The following SCN4B variants were observed in gnomAD, a reference collection of about 807,000 sequenced individuals.
SCN4B encodes the protein sodium voltage-gated channel beta subunit 4.
Under a neutral mutation model 19.6 loss-of-function variants are expected in SCN4B, and 20 were observed. That is an observed-to-expected ratio of 1.02 (90% CI 0.72 to 1.48). SCN4B has a LOEUF of 1.48. Ranked by LOEUF, SCN4B falls within the 40% of genes most tolerant of loss-of-function variation. The pLI, the probability that SCN4B is intolerant of heterozygous loss-of-function variation, is 0.00. For missense variants in SCN4B, 271 were observed against 287.5 expected (o/e 0.94, Z 0.42); for synonymous variants, 127 against 122.8 (o/e 1.03, Z -0.22).
chr11:118,135,015 A>G lies in SCN4B; in HGVS notation c.*2012T>C. On this transcript the variant is annotated 3_prime_UTR_variant, in exon 5 of 5. Transcript: ENST00000324727. ...CTACGTGCCTTGGCTTTCTCTTAAG[A>G]CAGAAGGAGGAGCCCCAAGGTGCTC... The G allele has an allele frequency of 4.4e-6, 2 of 454,114 alleles. No homozygotes were observed. Among genetic ancestry groups the G allele is most frequent in the South Asian group, 3.1e-5 (2 of 64,480 alleles). The allele number at this position is 454,114 out of a possible 1,614,324, so 28.1% of individuals were successfully genotyped here.
rs1390113008 is a variant in SCN4B at position 118,141,761 on chromosome 11, T to G, written c.464-425A>C. On this transcript the variant is annotated intron_variant, in intron 3 of 4. Coordinates refer to ENST00000324727, the MANE Select transcript of SCN4B (RefSeq NM_174934.4). ...ATACCTCTTAGATGGTGAGAAGATT[T>G]TGGAGTCAGATAGTCTGAATTTTAA... 5 of 213,608 alleles carry G rather than the reference T, an allele frequency of 2.3e-5. 1 individual carries two copies. In the Admixed American group the frequency reaches 2.6e-4, roughly 11 times the overall value. 13.2% of individuals were successfully genotyped at this position (213,608 alleles called of 1,614,324 possible).
At position 118,141,199 on chromosome 11, in the gene SCN4B, C is replaced by T; in HGVS notation, c.593+8G>A. 1.9e-6 allele frequency: 3 copies of T among 1,612,842 alleles called. No individual in the cohort carries two copies. Among genetic ancestry groups the T allele is most frequent in the Non-Finnish European group, 2.5e-6 (3 of 1,179,968 alleles). On this transcript the variant is annotated splice_region_variant and intron_variant, in intron 4 of 4. Transcript: ENST00000324727. ...GGGAGGACAGGAGTGTGCTCCAGAT[C>T]AACTCACTTCTTCTCCCGAGTCTTC...
intron 1 of SCN4B, among the ~76,000 whole-genome samples, chr11:118,149,058 C>G (rs1948210688): frequency 6.6e-6 from 1 of 152,194 alleles, no homozygotes; most frequent in African/African-American, 2.4e-5. Flanking sequence ...AGTCCTGGCC[C>G]CCTGCCATCC....
intron 4 of SCN4B, among the ~76,000 whole-genome samples, chr11:118,138,973 CT>C (rs1450506765): frequency 1.3e-5 from 2 of 152,088 alleles, no homozygotes; most frequent in Non-Finnish European, 2.9e-5. Context: ...TCAGGCTTCC[CT>C]ACGGTCTGTC....
chr11:118,145,470 G>C, intron 1 of SCN4B: 1 of 1,436,848 alleles, frequency 7.0e-7, no homozygotes, highest in South Asian at 1.2e-5. Context: ...GTTGCGCTCT[G>C]GATGACCACC....
intron 3 of SCN4B, 62 bp downstream of exon 3, chr11:118,143,771 T>C: frequency 8.3e-7 from 1 of 1,203,776 alleles, no homozygotes. Flanking sequence ...ACTGTGATGC[T>C]GAGTTGGGTG....
At position 118,133,699 on chromosome 11, in the gene SCN4B, TG is replaced by T. The variant is rs1487433650; in HGVS notation, c.*3327del. ...AGGTGGGAGGGTAGGGACTCCAACCTGGGACAAAGTAAAGTAAAGCAAGTTA... is the reference window on the plus strand; with the variant it reads ...AGGTGGGAGGGTAGGGACTCCAACCTGGACAAAGTAAAGTAAAGCAAGTTA... On this transcript the variant is annotated 3_prime_UTR_variant, in exon 5 of 5. Coordinates refer to ENST00000324727, the MANE Select transcript of SCN4B (RefSeq NM_174934.4). The T allele has an allele frequency of 2.2e-6, 1 of 454,506 alleles. No individual in the cohort carries two copies. Among genetic ancestry groups the T allele is most frequent in the South Asian group, 1.6e-5 (1 of 64,484 alleles). The allele number at this position is 454,506 out of a possible 1,614,324, so 28.2% of individuals were successfully genotyped here.
chr11:118,143,520 G>A (rs1475326953), intron 3 of SCN4B, among the ~76,000 whole-genome samples: 5 of 152,108 alleles, frequency 3.3e-5, no homozygotes, highest in East Asian at 3.8e-4. Flanking sequence ...CAGTATATAC[G>A]GAGAAAACCC....
rs1012305774 is a variant in SCN4B, at chr11:118,148,883, C to T, written c.62-3654G>A. Among the ~76,000 whole-genome samples, 2 of 151,588 alleles carry T rather than the reference C, an allele frequency of 1.3e-5. No individual in the cohort carries two copies. Among genetic ancestry groups the T allele is most frequent in the East Asian group, 1.9e-4 (1 of 5,186 alleles). ...GTTAATTCTAGAATGTTAAAGTGTA[C>T]GTGTGTGTGTGTGTGAGAGTGGGGG... On this transcript the variant is annotated intron_variant, in intron 1 of 4. Coordinates refer to ENST00000324727, the MANE Select transcript of SCN4B (RefSeq NM_174934.4). The surrounding 1 kb of genome is among the most constrained non-coding windows in gnomAD (Gnocchi z 4.0).
chr11:118,137,219 C>A, intron 4 of SCN4B, 99 bp from the exon 5 acceptor site: 1 of 845,410 alleles, frequency 1.2e-6, no homozygotes, highest in Non-Finnish European at 2.0e-6. Flanking sequence ...CCCTGTGCCT[C>A]TCCCTGGCCT....
Position 118,151,235 on chromosome 11 carries a change from C to A in SCN4B, c.61+1378G>T, listed in dbSNP as rs116375843. ...AAACAAGGGACTGGCATCCCACCAC[C>A]CAGGAAGGTAAGCCAGAGGTGTGAA... On this transcript the variant is annotated intron_variant, in intron 1 of 4. Coordinates refer to ENST00000324727, the MANE Select transcript of SCN4B (RefSeq NM_174934.4). Among the ~76,000 whole-genome samples the A allele has an allele frequency of 4.4e-3, 667 of 152,268 alleles. 3 individuals carry two copies. The highest frequency in any genetic ancestry group is 0.016 in the African/African-American group (652 of 41,528).
At position 118,137,122 on chromosome 11, in the gene SCN4B, T is replaced by C. The variant is rs375535030; in HGVS notation, c.594-2A>G. On this transcript the variant is annotated splice_acceptor_variant, in intron 4 of 4. Coordinates refer to ENST00000324727, the MANE Select transcript of SCN4B (RefSeq NM_174934.4). LOFTEE classifies it high-confidence loss of function. ...GAGGAGCTCACGAGACACTCCTTCCTGGAGAGGGAGAGAGAAGGGACAGTG... is the reference window on the plus strand; with the variant it reads ...GAGGAGCTCACGAGACACTCCTTCCCGGAGAGGGAGAGAGAAGGGACAGTG... 48 of 1,608,558 alleles carry C rather than the reference T, an allele frequency of 3.0e-5. No individual in the cohort carries two copies. Among genetic ancestry groups the C allele is most frequent in the Non-Finnish European group, 3.8e-5 (45 of 1,175,114 alleles).
At position 118,148,526 on chromosome 11, in the gene SCN4B, A is replaced by G. The variant is rs1052497920; in HGVS notation, c.62-3297T>C. On this transcript the variant is annotated intron_variant, in intron 1 of 4. Transcript: ENST00000324727. The surrounding 1 kb of genome is among the most constrained non-coding windows in gnomAD (Gnocchi z 4.0). ...CAGAGGTGCCACATCCGGTGTGCAT[A>G]TCCCCAAGCCAGGGCAGGGATGCCT... Among the ~76,000 whole-genome samples the G allele has an allele frequency of 6.6e-6, 1 of 152,212 alleles. No individual in the cohort carries two copies. Among genetic ancestry groups the G allele is most frequent in the Non-Finnish European group, 1.5e-5 (1 of 68,036 alleles).
chr11:118,135,236 G>C lies in SCN4B; in HGVS notation c.*1791C>G. 1 of 453,728 alleles carries C rather than the reference G, an allele frequency of 2.2e-6. No homozygotes were observed. Among genetic ancestry groups the C allele is most frequent in the South Asian group, 1.6e-5 (1 of 64,474 alleles). 28.1% of individuals were successfully genotyped at this position (453,728 alleles called of 1,614,324 possible). A position where few individuals can be genotyped will look rare whatever the true frequency, so the allele number is the denominator to read the frequency against. On this transcript the variant is annotated 3_prime_UTR_variant, in exon 5 of 5. Transcript: ENST00000324727. ...CAGGCAGATCAGACGGGGAACTGGT[G>C]AGCCCAGCAGGTTGGCTAAGGGACA...
intron 1 of SCN4B, among the ~76,000 whole-genome samples, chr11:118,149,694 C>T (rs1948217443): frequency 6.6e-6 from 1 of 152,196 alleles, no homozygotes; most frequent in Non-Finnish European, 1.5e-5. Context: ...CCTCCTCTTA[C>T]AGGCCAGAGA....
chr11:118,152,145 G>T (rs2135510133), intron 1 of SCN4B, among the ~76,000 whole-genome samples: 1 of 152,266 alleles, frequency 6.6e-6, no homozygotes, highest in Admixed American at 6.5e-5. Context: ...AGGAAGAAGG[G>T]GACTCCCCCA....
chr11:118,151,122 G>GCACACACACACACA (rs3837425), intron 1 of SCN4B, among the ~76,000 whole-genome samples: 113 of 149,244 alleles, frequency 7.6e-4, no homozygotes, highest in African/African-American at 2.7e-3. Context: ...TTACACACGT[G>GCACACACACACACA]CACACACACA....
In SCN4B at chr11:118,133,848, T is replaced by C. The variant is rs1947951925; in HGVS notation, c.*3179A>G. ...GAATGCAGGAGCACGGCTGGTCTTCTCTGCCTTTGATTCTTTCTCAGTCTC... is the reference window on the plus strand; with the variant it reads ...GAATGCAGGAGCACGGCTGGTCTTCCCTGCCTTTGATTCTTTCTCAGTCTC... On this transcript the variant is annotated 3_prime_UTR_variant, in exon 5 of 5. Transcript: ENST00000324727. 1 of 454,380 alleles carries C rather than the reference T, an allele frequency of 2.2e-6. No homozygotes were observed. Among genetic ancestry groups the C allele is most frequent in the Non-Finnish European group, 4.4e-6 (1 of 226,804 alleles). 28.1% of individuals were successfully genotyped at this position (454,380 alleles called of 1,614,324 possible).
In SCN4B at chr11:118,136,353, G is replaced by A. The variant is rs1181418333; in HGVS notation, c.*674C>T. On this transcript the variant is annotated 3_prime_UTR_variant, in exon 5 of 5. Coordinates refer to ENST00000324727, the MANE Select transcript of SCN4B (RefSeq NM_174934.4). ...CCCAGAGAGCAGAGGAGCAGGCTAGGTGGCCAGGAACCCTCAAGACCAGGG... is the reference window on the plus strand; with the variant it reads ...CCCAGAGAGCAGAGGAGCAGGCTAGATGGCCAGGAACCCTCAAGACCAGGG... 4.4e-6 allele frequency: 2 copies of A among 453,900 alleles called. No homozygotes were observed. Among genetic ancestry groups the A allele is most frequent in the African/African-American group, 2.0e-5 (1 of 50,050 alleles). The allele number at this position is 453,900 out of a possible 1,614,324, so 28.1% of individuals were successfully genotyped here. A position where few individuals can be genotyped will look rare whatever the true frequency, so the allele number is the denominator to read the frequency against.
Sources: gnomAD v4.1 joint callset for allele counts (sites outside exome capture counted in the v4.1 genomes callset) on GRCh38, gnomAD v4.1.1 for gene constraint, Gnocchi (gnomAD v3.1) non-coding constraint, MANE v1.5 for transcripts, NCBI Gene and HGNC (gene_info 2026-07-23, HGNC 2026-07-21) for gene names.